CACNA1E: variants seen among roughly 807,000 people sequenced by gnomAD.
CACNA1E encodes the protein calcium voltage-gated channel subunit alpha1 E, also known as voltage-dependent R-type calcium channel subunit alpha-1E.
In CACNA1E, 40 loss-of-function variants were observed where a neutral mutation model predicts 259.2. That is an observed-to-expected ratio of 0.15 (90% CI 0.12 to 0.20). The LOEUF is 0.20. Among genes scored for constraint, CACNA1E ranks in the 10% least tolerant of loss-of-function variants. The pLI, the probability that CACNA1E is intolerant of heterozygous loss-of-function variation, is 1.00. For missense variants in CACNA1E, 1,874 were observed against 3,040.1 expected (o/e 0.62, Z 9.02); for synonymous variants, 1,104 against 1,138.5 (o/e 0.97, Z 0.61).
chr1:181,636,331 G>T (rs1657208811), intron 6 of CACNA1E, among the ~76,000 whole-genome samples: 1 of 152,182 alleles, frequency 6.6e-6, no homozygotes, highest in Non-Finnish European at 1.5e-5. Context: ...AGAGGAAAAG[G>T]TTATAGTACT....
intron 1 of CACNA1E, among the ~76,000 whole-genome samples, chr1:181,495,025 C>A (rs1391595478): frequency 6.6e-6 from 1 of 152,194 alleles, no homozygotes; most frequent in African/African-American, 2.4e-5. Flanking sequence ...AATCAGTACA[C>A]ACTTTCATGA....
At chr1:181,557,326 C>T (rs1426410238) in intron 3 of CACNA1E, among the ~76,000 whole-genome samples, 1 of 152,202 alleles carries the variant, frequency 6.6e-6, no homozygotes, top group Non-Finnish European at 1.5e-5. Flanking sequence ...GCGTATTACT[C>T]AGGAGCACCT....
At chr1:181,374,472 A>G (rs2332202) in intron 1 of CACNA1E, among the ~76,000 whole-genome samples, 1 of 150,912 alleles carries the variant, frequency 6.6e-6, no homozygotes, top group Non-Finnish European at 1.5e-5. Context: ...GAAAAAAAAA[A>G]TTTTTTTTGA....
chr1:181,757,776 A>G (rs544265275), intron 30 of CACNA1E, among the ~76,000 whole-genome samples, 171 bp from the exon 31 acceptor site: 1 of 152,228 alleles, frequency 6.6e-6, no homozygotes, highest in South Asian at 2.1e-4. Context: ...TACTCCTTTA[A>G]GGTGACGCCT....
rs1360170031 is a variant in CACNA1E, at chr1:181,785,763, G to A, written c.5730G>A (p.Glu1910=). ...TGGAGCCTTCATCTCTGCCTCAGGA[G>A]ATCATTGCTAATGCCAAAGCCCTGC... ...QRMEPSSLPQ[E]IIANAKALPY... is the part of the protein sequence containing the mutation. The change falls in exon 43 of 48, where the codon GAG becomes GAA. Residue 1910 remains glutamate (E), a synonymous_variant. Transcript: ENST00000367573. 1 of 1,613,172 alleles carries A rather than the reference G, an allele frequency of 6.2e-7. No homozygotes were observed. The highest frequency in any genetic ancestry group is 1.7e-5 in the Admixed American group (1 of 59,760).
intron 2 of CACNA1E, among the ~76,000 whole-genome samples, chr1:181,426,718 C>A (rs1571845376): frequency 6.7e-6 from 1 of 148,990 alleles, no homozygotes. Flanking sequence ...AACCCCTTCC[C>A]ATCTCAACCC....
At position 181,798,852 on chromosome 1, in the gene CACNA1E, G is replaced by A. The variant is rs753117457; in HGVS notation, c.*18G>A. ...AATGCTAGAGGCTGCTCCCCCCTCC[G>A]ATGCATGCTCTTCTCTCACATGGAG... is the stretch of plus-strand genomic sequence containing the variant. On this transcript the variant is annotated 3_prime_UTR_variant, in exon 48 of 48. Coordinates refer to ENST00000367573, the MANE Select transcript of CACNA1E (RefSeq NM_001205293.3). The surrounding 1 kb of genome is among the most constrained non-coding windows in gnomAD (Gnocchi z 4.2). 29 of 1,493,538 alleles carry A rather than the reference G, an allele frequency of 1.9e-5. No homozygotes were observed. The highest frequency in any genetic ancestry group is 1.8e-4 in the Middle Eastern group (1 of 5,622). 92.5% of individuals were successfully genotyped at this position (1,493,538 alleles called of 1,614,324 possible).
intron 1 of CACNA1E, among the ~76,000 whole-genome samples, chr1:181,501,720 A>AAG (rs58336251): frequency 4.0e-5 from 6 of 149,794 alleles, no homozygotes; most frequent in South Asian, 4.2e-4. Flanking sequence ...AGGAGTGGGG[A>AAG]AGAGAGAGAG....
At chr1:181,480,582 G>A (rs1663167173), upstream of CACNA1E, among the ~76,000 whole-genome samples, 1 of 152,166 alleles carries the variant, frequency 6.6e-6, no homozygotes, top group Non-Finnish European at 1.5e-5. Context: ...CTGGATCTCT[G>A]CTGACATCTG....
At chr1:181,553,765 G>A (rs1478601080) in intron 3 of CACNA1E, among the ~76,000 whole-genome samples, 2 of 152,094 alleles carry the variant, frequency 1.3e-5, no homozygotes, top group African/African-American at 4.8e-5. Context: ...ATAATCATGT[G>A]GTTTTTGTCA....
chr1:181,704,031 A>G (rs1193184074), intron 7 of CACNA1E, among the ~76,000 whole-genome samples: 1 of 151,482 alleles, frequency 6.6e-6, no homozygotes, highest in Non-Finnish European at 1.5e-5. Context: ...GAATGACCCC[A>G]TATGATGTCG....
intron 37 of CACNA1E, among the ~76,000 whole-genome samples, chr1:181,773,791 A>T (rs1659732509): frequency 6.6e-6 from 1 of 152,240 alleles, no homozygotes; most frequent in South Asian, 2.1e-4. Context: ...AGTGTTTCAT[A>T]ATAAATATTT....
At chr1:181,403,808 G>A (rs1657270991) in intron 1 of CACNA1E, among the ~76,000 whole-genome samples, 1 of 152,120 alleles carries the variant, frequency 6.6e-6, no homozygotes, top group Admixed American at 6.5e-5. Flanking sequence ...GTCTAAGGTG[G>A]GGTGGCTTCC....
intron 6 of CACNA1E, among the ~76,000 whole-genome samples, chr1:181,646,925 C>T (rs1006508588): frequency 6.6e-6 from 1 of 152,254 alleles, no homozygotes; most frequent in Non-Finnish European, 1.5e-5. Flanking sequence ...CACTCCTGTG[C>T]AGGTGGGCTG....
At chr1:181,498,598 T>A (rs1262708716) in intron 1 of CACNA1E, among the ~76,000 whole-genome samples, 2 of 152,198 alleles carry the variant, frequency 1.3e-5, no homozygotes, top group African/African-American at 4.8e-5. Flanking sequence ...CTTCCCATCA[T>A]GTTCCTCATT....
chr1:181,341,345 T>C (rs16857123), intron 1 of CACNA1E, among the ~76,000 whole-genome samples: 42,891 of 152,074 alleles, frequency 0.28, 6,232 homozygotes, highest in African/African-American at 0.31. Context: ...TGAGGAGAGT[T>C]TGTCATTCCT....
At chr1:181,743,177 C>T (rs1656738601) in intron 25 of CACNA1E, among the ~76,000 whole-genome samples, 1 of 152,200 alleles carries the variant, frequency 6.6e-6, no homozygotes, top group South Asian at 2.1e-4. Flanking sequence ...CACCCGCTTT[C>T]TGGGCCACAT....
At chr1:181,603,558 C>T (rs1653942619) in intron 6 of CACNA1E, among the ~76,000 whole-genome samples, 1 of 151,986 alleles carries the variant, frequency 6.6e-6, no homozygotes, top group African/African-American at 2.4e-5. Context: ...AACCCCCTCC[C>T]CCGCCCCCGC....
intron 1 of CACNA1E, among the ~76,000 whole-genome samples, chr1:181,500,770 G>C (rs1367537279): frequency 6.6e-6 from 1 of 152,184 alleles, no homozygotes; most frequent in Non-Finnish European, 1.5e-5. Context: ...TGGTTTGCAG[G>C]CTCAGTAGGT....
Sources: allele counts gnomAD v4.1 joint callset (sites outside exome capture counted in the v4.1 genomes callset), GRCh38; gene constraint gnomAD v4.1.1; non-coding constraint Gnocchi (gnomAD v3.1); transcripts MANE v1.5; gene names NCBI Gene and HGNC (gene_info 2026-07-23, HGNC 2026-07-21).